THRB: variants seen among roughly 807,000 people sequenced by gnomAD.
THRB encodes the protein thyroid hormone receptor beta, also known as nuclear receptor subfamily 1 group A member 2.
In THRB, 12 loss-of-function variants were observed where a neutral mutation model predicts 47.8. The ratio of observed to expected loss-of-function variants is 0.25; its 90% CI spans 0.16 to 0.41. The LOEUF (loss-of-function observed/expected upper bound fraction) is 0.41, where lower values mean the gene tolerates loss of function less well. Ranked by LOEUF, THRB falls within the 10% of genes least tolerant of loss-of-function variation. The probability of loss-of-function intolerance (pLI) is 1.00; values close to 1 mark genes in which losing one functional copy is unlikely to be tolerated. For synonymous variants in THRB, 218 were observed against 212.2 expected (o/e 1.03, Z -0.24); for missense variants, 348 against 589.2 (o/e 0.59, Z 4.24).
At chr3:24,248,259 A>C (rs2050309650) in intron 3 of THRB, among the ~76,000 whole-genome samples, 1 of 152,044 alleles carries the variant, frequency 6.6e-6, no homozygotes, top group Non-Finnish European at 1.5e-5. Flanking sequence ...CCACGCATTG[A>C]GCTATCAGGC....
At position 24,422,617 on chromosome 3, in the gene THRB, C is replaced by T. The variant is rs573958191; in HGVS notation, c.-261+72035G>A. On this transcript the variant is annotated intron_variant, in intron 1 of 10. Coordinates refer to ENST00000646209, the MANE Select transcript of THRB (RefSeq NM_001354712.2). ...GGAGCTAAAAGACAGATGTGCGTGG[C>T]GAATGTGCATTCACTTTTTTCAGCT... Among the ~76,000 whole-genome samples the T allele has an allele frequency of 9.2e-5, 14 of 151,980 alleles. No homozygotes were observed. In the East Asian group the frequency reaches 1.6e-3, roughly 17 times the overall value.
At chr3:24,139,346 G>A (rs1389075671) in intron 8 of THRB, among the ~76,000 whole-genome samples, 1 of 151,102 alleles carries the variant, frequency 6.6e-6, no homozygotes, top group Non-Finnish European at 1.5e-5. Flanking sequence ...TCAAATCACT[G>A]TCTCTGTTTC....
intron 1 of THRB, among the ~76,000 whole-genome samples, chr3:24,465,759 A>G (rs569148714): frequency 6.6e-6 from 1 of 152,240 alleles, no homozygotes; most frequent in Admixed American, 6.5e-5. Flanking sequence ...AGTTGATTTC[A>G]TCAGCACTAT....
chr3:24,348,338 G>A (rs2063150998), intron 1 of THRB, among the ~76,000 whole-genome samples: 1 of 151,994 alleles, frequency 6.6e-6, no homozygotes, highest in South Asian at 2.1e-4. Flanking sequence ...TTGTGAACAC[G>A]CCCTGCCCCA....
intron 2 of THRB, among the ~76,000 whole-genome samples, chr3:24,323,308 A>G (rs372446525): frequency 1.0e-3 from 159 of 152,196 alleles, no homozygotes; most frequent in African/African-American, 3.5e-3. Context: ...CTGCTCCCCA[A>G]GCCAAGCAAG....
intron 3 of THRB, among the ~76,000 whole-genome samples, chr3:24,280,992 A>G (rs1203233357): frequency 1.3e-5 from 2 of 152,140 alleles, no homozygotes; most frequent in Non-Finnish European, 2.9e-5. Context: ...GGGAGAATGG[A>G]ACCAAGTTGG....
chr3:24,304,995 C>A (rs2057236757), intron 2 of THRB, among the ~76,000 whole-genome samples: 1 of 152,118 alleles, frequency 6.6e-6, no homozygotes, highest in South Asian at 2.1e-4. Context: ...GATTAAAAGT[C>A]TATCATTTAA....
chr3:24,294,101 T>C (rs1204587439), intron 3 of THRB, among the ~76,000 whole-genome samples: 2 of 152,220 alleles, frequency 1.3e-5, no homozygotes, highest in South Asian at 2.1e-4. Flanking sequence ...CTTGAGACTA[T>C]GTTTTAAGAG....
At chr3:24,192,114 G>A (rs1429126866) in intron 4 of THRB, among the ~76,000 whole-genome samples, 3 of 152,224 alleles carry the variant, frequency 2.0e-5, no homozygotes, top group African/African-American at 4.8e-5. Flanking sequence ...TACCACTTTC[G>A]ACTGTGCTAG....
rs2073346716 is a variant in THRB, at chr3:24,457,985, C to T, written c.-261+36667G>A. 6 of 152,114 alleles carry T rather than the reference C, an allele frequency of 3.9e-5. No homozygotes were observed. In the South Asian group the frequency reaches 1.2e-3, roughly 32 times the overall value. 9.4% of individuals were successfully genotyped at this position (152,114 alleles called of 1,614,324 possible). ...AAACATGAATGAATCACCTGGGCAT[C>T]TTGTTAAATGAAGATTCTGGTCCAA... is the stretch of plus-strand genomic sequence containing the variant. On this transcript the variant is annotated intron_variant, in intron 1 of 10. Coordinates refer to ENST00000646209, the MANE Select transcript of THRB (RefSeq NM_001354712.2).
chr3:24,413,112 A>G (rs569412808), intron 1 of THRB, among the ~76,000 whole-genome samples: 1 of 152,012 alleles, frequency 6.6e-6, no homozygotes, highest in African/African-American at 2.4e-5. Flanking sequence ...CAATCTCAAA[A>G]TATGGAAGAA....
At chr3:24,290,378 C>T (rs1216955519) in intron 3 of THRB, among the ~76,000 whole-genome samples, 2 of 152,134 alleles carry the variant, frequency 1.3e-5, no homozygotes, top group Non-Finnish European at 1.5e-5. Flanking sequence ...CTCTTTGGGC[C>T]TATCTGAAAT....
At chr3:24,443,135 TCA>T (rs2125428824) in intron 1 of THRB, among the ~76,000 whole-genome samples, 1 of 151,864 alleles carries the variant, frequency 6.6e-6, no homozygotes, top group Non-Finnish European at 1.5e-5. Context: ...TGAGCCGAGA[TCA>T]CACCAGCACT....
intron 1 of THRB, among the ~76,000 whole-genome samples, chr3:24,357,875 T>G (rs2063798009): frequency 1.3e-5 from 2 of 152,140 alleles, no homozygotes; most frequent in Admixed American, 6.6e-5. Flanking sequence ...TTCTGAAAAC[T>G]TTGTCTTTAG....
At chr3:24,329,679 C>T (rs538626636) in intron 2 of THRB, among the ~76,000 whole-genome samples, 1 of 152,316 alleles carries the variant, frequency 6.6e-6, no homozygotes, top group South Asian at 2.1e-4. Context: ...CATCCATGCA[C>T]AATAATTGGC....
At chr3:24,141,437 C>A (rs896631643) in intron 8 of THRB, among the ~76,000 whole-genome samples, 1 of 152,190 alleles carries the variant, frequency 6.6e-6, no homozygotes, top group African/African-American at 2.4e-5. Flanking sequence ...GAAATGAAGT[C>A]TCTCCCCACT....
intron 1 of THRB, among the ~76,000 whole-genome samples, chr3:24,390,685 G>C (rs1247427768): frequency 6.6e-6 from 1 of 151,350 alleles, no homozygotes; most frequent in Non-Finnish European, 1.5e-5. Context: ...AAGAAATCAA[G>C]AGTTATTGTA....
chr3:24,142,155 A>G (rs1423859372), intron 8 of THRB, among the ~76,000 whole-genome samples: 1 of 152,202 alleles, frequency 6.6e-6, no homozygotes, highest in East Asian at 1.9e-4. Context: ...ACTGTTTACC[A>G]GTTGTGGGAG....
intron 5 of THRB, among the ~76,000 whole-genome samples, chr3:24,175,348 C>T (rs1269558389): frequency 6.6e-6 from 1 of 152,098 alleles, no homozygotes; most frequent in Admixed American, 6.6e-5. Flanking sequence ...TAGTGTCTTT[C>T]ACATAAGAAC....
Sources: allele counts gnomAD v4.1 joint callset (sites outside exome capture counted in the v4.1 genomes callset), GRCh38; gene constraint gnomAD v4.1.1; transcripts MANE v1.5; gene names NCBI Gene and HGNC (gene_info 2026-07-23, HGNC 2026-07-21).